Variants in NAA60 observed in about 807,000 individuals in gnomAD.
NAA60 encodes the protein N-alpha-acetyltransferase 60, NatF catalytic subunit, also known as N-alpha-acetyltransferase 60.
A neutral mutation model predicts 26.1 loss-of-function variants in NAA60; 8 were observed. That is an observed-to-expected ratio of 0.31 (90% CI 0.18 to 0.55). NAA60 has a LOEUF of 0.55. Ranked by LOEUF, NAA60 falls within the 20% of genes least tolerant of loss-of-function variation. The probability of loss-of-function intolerance (pLI) is 0.93; values close to 1 mark genes in which losing one functional copy is unlikely to be tolerated. For synonymous variants in NAA60, 131 were observed against 122.5 expected (o/e 1.07, Z -0.46); for missense variants, 290 against 311.3 (o/e 0.93, Z 0.51).
chr16:3,468,954 C>T (rs2035941159), intron 2 of NAA60, among the ~76,000 whole-genome samples: 1 of 152,098 alleles, frequency 6.6e-6, no homozygotes, highest in African/African-American at 2.4e-5. Context: ...GTTGTGGTGG[C>T]ACATGCCTGT....
chr16:3,483,878 C>T, intron 6 of NAA60: 2 of 476,348 alleles, frequency 4.2e-6, no homozygotes, highest in South Asian at 5.1e-5. Flanking sequence ...TAGGCATGAG[C>T]CCTGCACCCA....
intron 3 of NAA60, among the ~76,000 whole-genome samples, chr16:3,478,027 T>C (rs2036590468): frequency 6.6e-6 from 1 of 150,766 alleles, no homozygotes; most frequent in African/African-American, 2.4e-5. Context: ...ATTGTGGCAC[T>C]GCACCCCAAC....
chr16:3,464,876 T>C (rs1432667801), intron 2 of NAA60, among the ~76,000 whole-genome samples: 1 of 152,214 alleles, frequency 6.6e-6, no homozygotes. Flanking sequence ...AGCCACCCTG[T>C]TGGCTCCGTC....
At chr16:3,459,788 G>A (rs1347574260) in intron 2 of NAA60, among the ~76,000 whole-genome samples, 1 of 152,172 alleles carries the variant, frequency 6.6e-6, no homozygotes, top group African/African-American at 2.4e-5. Context: ...CCTATCTTTA[G>A]CCTCTCCTGG....
chr16:3,465,005 A>C (rs530832212), intron 2 of NAA60, among the ~76,000 whole-genome samples: 2 of 152,284 alleles, frequency 1.3e-5, no homozygotes, highest in East Asian at 3.9e-4. Context: ...CAGTGGCTCA[A>C]GCCTGTAATC....
chr16:3,480,270 T>G (rs2036742316), intron 4 of NAA60, among the ~76,000 whole-genome samples: 1 of 152,172 alleles, frequency 6.6e-6, no homozygotes, highest in South Asian at 2.1e-4. Context: ...GGCAGATGGT[T>G]CAATTTGTTT....
chr16:3,484,415 C>A (rs141337889), intron 6 of NAA60, among the ~76,000 whole-genome samples: 1,985 of 152,290 alleles, frequency 0.013, 109 homozygotes, highest in Admixed American at 0.1. Flanking sequence ...CTGCCAGGCC[C>A]CTTCCCCACC....
intron 1 of NAA60, among the ~76,000 whole-genome samples, chr16:3,446,924 C>G (rs763718171): frequency 2.0e-5 from 3 of 151,774 alleles, no homozygotes; most frequent in Non-Finnish European, 2.9e-5. Context: ...TCACTGCAAC[C>G]TCCATCTCCC....
At chr16:3,449,889 A>T (rs566471439) in intron 2 of NAA60, 1 of 389,216 alleles carries the variant, frequency 2.6e-6, no homozygotes, top group South Asian at 1.4e-4. Context: ...CATGTGAGAC[A>T]TGCCTTTTAC....
intron 2 of NAA60, among the ~76,000 whole-genome samples, chr16:3,459,257 G>A (rs2035215598): frequency 6.6e-6 from 1 of 152,164 alleles, no homozygotes; most frequent in African/African-American, 2.4e-5. Flanking sequence ...AAAGTCATGT[G>A]ACTCCAAAGG....
Position 3,450,842 on chromosome 16 carries a change from C to T in NAA60, c.-7+2302C>T, listed in dbSNP as rs147288772. On this transcript the variant is annotated intron_variant, in intron 2 of 7. Coordinates refer to ENST00000407558, the MANE Select transcript of NAA60 (RefSeq NM_001083601.3). ...CAGGGCAGCCAGTGGAGAGAGGCAT[C>T]ATTCTGCATGGTATAGAAGCCTTGG... Among the ~76,000 whole-genome samples, 20 of 152,162 alleles carry T rather than the reference C, an allele frequency of 1.3e-4. 1 individual carries two copies. In the East Asian group the frequency reaches 3.9e-3, roughly 29 times the overall value.
intron 6 of NAA60, 128 bp from the exon 7 acceptor site, chr16:3,484,571 G>A (rs928679412): frequency 6.5e-6 from 8 of 1,223,746 alleles, no homozygotes; most frequent in Non-Finnish European, 9.1e-6. Flanking sequence ...GGCTTAGCGG[G>A]CTCTCAGCCT....
rs142141936 is a variant in NAA60, at chr16:3,471,097, A to G, written c.-6-5125A>G. On this transcript the variant is annotated intron_variant, in intron 2 of 7. Coordinates refer to ENST00000407558, the MANE Select transcript of NAA60 (RefSeq NM_001083601.3). ...TTCTTGAAATTCACACTGGAAACAA[A>G]TGAGGATACTGGGGGAAATGTGCAG... is the stretch of plus-strand genomic sequence containing the variant. 1.3e-3 allele frequency among the ~76,000 whole-genome samples: 191 copies of G among 152,322 alleles called. 1 individual carries two copies. Among genetic ancestry groups the G allele is most frequent in the Middle Eastern group, 6.8e-3 (2 of 294 alleles).
intron 3 of NAA60, 80 bp from the exon 4 acceptor site, chr16:3,479,391 C>A: frequency 6.6e-7 from 1 of 1,512,628 alleles, no homozygotes. Flanking sequence ...CCAGAGCTCC[C>A]TGTGGTTCTG....
chr16:3,450,846 C>G (rs1596285603), intron 2 of NAA60, among the ~76,000 whole-genome samples: 1 of 151,928 alleles, frequency 6.6e-6, no homozygotes, highest in African/African-American at 2.4e-5. Flanking sequence ...AGGCATCATT[C>G]TGCATGGTAT....
At chr16:3,463,822 A>G (rs909824905) in intron 2 of NAA60, among the ~76,000 whole-genome samples, 1 of 152,182 alleles carries the variant, frequency 6.6e-6, no homozygotes, top group African/African-American at 2.4e-5. Flanking sequence ...CTTGGGCAAC[A>G]TAGTGAGATC....
chr16:3,484,054 A>G (rs1325014350), intron 6 of NAA60, among the ~76,000 whole-genome samples: 2 of 152,218 alleles, frequency 1.3e-5, no homozygotes, highest in African/African-American at 4.8e-5. Flanking sequence ...TATAGGATGC[A>G]TGACCCAAAG....
intron 2 of NAA60, chr16:3,472,385 G>C (rs924051260): frequency 6.6e-6 from 1 of 152,148 alleles, no homozygotes; most frequent in Admixed American, 6.5e-5. Context: ...TGAGAAATTT[G>C]GTTGGTTTTC....
chr16:3,466,515 C>T (rs2035772223), intron 2 of NAA60, among the ~76,000 whole-genome samples: 1 of 152,246 alleles, frequency 6.6e-6, no homozygotes. Flanking sequence ...ATGAGCAAGA[C>T]AGTGGCCTGT....
Sources: allele counts gnomAD v4.1 joint callset (sites outside exome capture counted in the v4.1 genomes callset), GRCh38; gene constraint gnomAD v4.1.1; transcripts MANE v1.5; gene names NCBI Gene and HGNC (gene_info 2026-07-23, HGNC 2026-07-21).